Variants in PCYT1B observed in about 807,000 individuals in gnomAD.
PCYT1B encodes the protein choline-phosphate cytidylyltransferase B.
Under a neutral mutation model 26.4 loss-of-function variants are expected in PCYT1B, and 10 were observed. The observed-to-expected ratio is 0.38, with a 90% CI of 0.23 to 0.64. The LOEUF (loss-of-function observed/expected upper bound fraction) is 0.64, where lower values mean the gene tolerates loss of function less well. PCYT1B is among the 30% of genes least tolerant of loss of function. PCYT1B has a pLI of 0.56. For synonymous variants in PCYT1B, 131 were observed against 108.4 expected, an observed-to-expected ratio of 1.21 and a Z score of -1.29; for missense variants, 161 against 292.7, an observed-to-expected ratio of 0.55 and a Z score of 3.28.
intron 2 of PCYT1B, among the ~76,000 whole-genome samples, chrX:24,615,147 T>A (rs927971350): frequency 8.9e-6 from 1 of 111,771 alleles, no homozygotes; most frequent in Admixed American, 9.6e-5. Context: ...AATAAAGAAA[T>A]TTCTAACACA....
intron 2 of PCYT1B, 93 bp from the exon 3 acceptor site, chrX:24,607,954 C>T (rs771084045): frequency 2.1e-6 from 1 of 474,676 alleles, no homozygotes; most frequent in Admixed American, 3.8e-5. Flanking sequence ...GGATAAGACA[C>T]AATCTCTACA....
At chrX:24,628,997 G>A (rs1015807499) in intron 1 of PCYT1B, among the ~76,000 whole-genome samples, 1 of 111,560 alleles carries the variant, frequency 9.0e-6, no homozygotes, top group Non-Finnish European at 1.9e-5. Context: ...ACATTACAAC[G>A]TATGAAAGCA....
upstream of PCYT1B, among the ~76,000 whole-genome samples, chrX:24,652,249 G>A (rs1327161583): frequency 3.6e-5 from 4 of 112,529 alleles, no homozygotes; most frequent in Non-Finnish European, 7.5e-5. Flanking sequence ...AAAAGTAATT[G>A]CAGTTTTTAC....
intron 1 of PCYT1B, among the ~76,000 whole-genome samples, chrX:24,641,166 T>C (rs2148270354): frequency 8.9e-6 from 1 of 111,834 alleles, no homozygotes; most frequent in African/African-American, 3.2e-5. Context: ...ACTCCTGACC[T>C]CAAGTGGTCC....
chrX:24,581,155 T>C (rs1164188259), intron 5 of PCYT1B, among the ~76,000 whole-genome samples: 1 of 112,315 alleles, frequency 8.9e-6, no homozygotes, highest in Non-Finnish European at 1.9e-5. Flanking sequence ...GCATTCTTAC[T>C]AAATGCAAGT....
intron 1 of PCYT1B, among the ~76,000 whole-genome samples, chrX:24,654,819 G>C (rs1189578553): frequency 9.4e-6 from 1 of 106,295 alleles, no homozygotes; most frequent in Admixed American, 1.0e-4. Context: ...TGGAAAACAC[G>C]GGGTAAAGAT....
intron 1 of PCYT1B, among the ~76,000 whole-genome samples, chrX:24,652,977 C>T (rs188819123): frequency 1.1e-3 from 118 of 109,103 alleles, no homozygotes; most frequent in Admixed American, 9.6e-3. Flanking sequence ...CCCAGCTACT[C>T]GGGAGGCTGA....
intron 6 of PCYT1B, among the ~76,000 whole-genome samples, chrX:24,579,035 C>A (rs755053338): frequency 9.1e-6 from 1 of 110,334 alleles, no homozygotes; most frequent in Non-Finnish European, 1.9e-5. Flanking sequence ...TGCCTGTAAT[C>A]CCAGCTACTC....
At chrX:24,590,689 T>C (rs1924530259) in intron 3 of PCYT1B, among the ~76,000 whole-genome samples, 1 of 110,427 alleles carries the variant, frequency 9.1e-6, no homozygotes, top group African/African-American at 3.3e-5. Flanking sequence ...TTCTGTTCCC[T>C]GGATTGAGGG....
At chrX:24,650,573 C>T (rs754975895), upstream of PCYT1B, among the ~76,000 whole-genome samples, 7 of 111,628 alleles carry the variant, frequency 6.3e-5, no homozygotes, top group African/African-American at 2.0e-4. Context: ...TCACCTTCCT[C>T]GGCCTCCCAA....
chrX:24,587,154 T>A, intron 5 of PCYT1B, 87 bp downstream of exon 5: 1 of 644,514 alleles, frequency 1.6e-6, no homozygotes, highest in East Asian at 3.4e-5. Context: ...TTGTATACAC[T>A]GCAGATGTCC....
upstream of PCYT1B, among the ~76,000 whole-genome samples, chrX:24,650,446 A>T (rs1292367628): frequency 1.8e-5 from 2 of 108,634 alleles, no homozygotes; most frequent in African/African-American, 6.7e-5. Flanking sequence ...GAGCCTCCCA[A>T]GTATCTGGGA....
At position 24,670,048 on chromosome X, in the gene PCYT1B, AAAAG is replaced by A. The variant is rs756342863; in HGVS notation, c.63+2518_63+2521del. On this transcript the variant is annotated intron_variant, in intron 1 of 7. Coordinates refer to the PCYT1B transcript ENST00000379145. Reference sequence around the variant, plus strand: ...ACAGAGTAAGACCTTGTCTCAAAAAAAAAGAAAGAAAGAAAGAAAGAAAGAAAGA... The same window carrying A: ...ACAGAGTAAGACCTTGTCTCAAAAAAAAAGAAAGAAAGAAAGAAAGAAAGA... Among the ~76,000 whole-genome samples, 518 of 58,047 alleles carry A rather than the reference AAAAG, an allele frequency of 8.9e-3. 11 individuals carry two copies. The highest frequency in any genetic ancestry group is 0.013 in the Non-Finnish European group (397 of 30,400). The allele number at this position is 58,047 out of a possible 115,157, so 50.4% of individuals were successfully genotyped here. A position where few individuals can be genotyped will look rare whatever the true frequency, so the allele number is the denominator to read the frequency against.
At chrX:24,581,294 C>G (rs181598920) in intron 5 of PCYT1B, among the ~76,000 whole-genome samples, 1 of 111,525 alleles carries the variant, frequency 9.0e-6, no homozygotes, top group Non-Finnish European at 1.9e-5. Context: ...ATCTCAGACC[C>G]TCTCCCTTTC....
intron 3 of PCYT1B, among the ~76,000 whole-genome samples, chrX:24,601,430 T>C (rs766989544): frequency 2.5e-4 from 27 of 107,747 alleles, no homozygotes; most frequent in Non-Finnish European, 4.8e-4. Flanking sequence ...GAGGCAGAGG[T>C]TGCAGTAAGC....
At chrX:24,578,504 T>C (rs1272745426) in intron 6 of PCYT1B, among the ~76,000 whole-genome samples, 1 of 112,327 alleles carries the variant, frequency 8.9e-6, no homozygotes, top group Non-Finnish European at 1.9e-5. Context: ...GTTGCTCTAT[T>C]ATTAAACTAA....
At chrX:24,568,349 A>G (rs1368225028) in intron 7 of PCYT1B, among the ~76,000 whole-genome samples, 1 of 111,426 alleles carries the variant, frequency 9.0e-6, no homozygotes, top group African/African-American at 3.3e-5. Context: ...CCTGGGCAAC[A>G]TAGTGTGAGA....
At chrX:24,601,155 C>CT (rs1213501774) in intron 3 of PCYT1B, among the ~76,000 whole-genome samples, 1 of 111,737 alleles carries the variant, frequency 8.9e-6, no homozygotes, top group East Asian at 2.8e-4. Context: ...AAATTAAAAA[C>CT]TTCTGTTCTG....
chrX:24,615,067 G>A (rs959100091), intron 2 of PCYT1B, among the ~76,000 whole-genome samples: 3 of 111,780 alleles, frequency 2.7e-5, no homozygotes, highest in Non-Finnish European at 5.6e-5. Flanking sequence ...TGATCCACTC[G>A]CCTCGGCCTC....
Sources: allele counts gnomAD v4.1 joint callset (sites outside exome capture counted in the v4.1 genomes callset), GRCh38; gene constraint gnomAD v4.1.1; transcripts MANE v1.5; gene names NCBI Gene and HGNC (gene_info 2026-07-23, HGNC 2026-07-21).